The following FAM117B variants were observed in gnomAD, a reference collection of about 807,000 sequenced individuals.
FAM117B encodes the protein family with sequence similarity 117 member B.
FAM117B carries 22 observed loss-of-function variants against 52.8 expected under a neutral mutation model. The observed-to-expected ratio is 0.42, with a 90% CI of 0.30 to 0.59. The LOEUF is 0.59. Ranked by LOEUF, FAM117B falls within the 20% of genes least tolerant of loss-of-function variation. The probability of loss-of-function intolerance (pLI) is 0.22; values close to 1 mark genes in which losing one functional copy is unlikely to be tolerated. For synonymous variants in FAM117B, 309 were observed against 324.1 expected (o/e 0.95, Z 0.50); for missense variants, 678 against 802.6 (o/e 0.84, Z 1.88).
intron 2 of FAM117B, among the ~76,000 whole-genome samples, chr2:202,710,262 A>G (rs1430431201): frequency 6.6e-6 from 1 of 152,130 alleles, no homozygotes; most frequent in Admixed American, 6.5e-5. Flanking sequence ...ATGAACATGA[A>G]ATGCCTGTTT....
intron 4 of FAM117B, among the ~76,000 whole-genome samples, chr2:202,740,140 T>C (rs1323250981): frequency 2.6e-5 from 3 of 116,610 alleles, no homozygotes; most frequent in East Asian, 5.5e-4. Flanking sequence ...ATCACTGCAC[T>C]CCAGCCTGGA....
At chr2:202,664,130 C>T (rs1690168817) in intron 1 of FAM117B, among the ~76,000 whole-genome samples, 1 of 152,162 alleles carries the variant, frequency 6.6e-6, no homozygotes, top group South Asian at 2.1e-4. Context: ...TGTGCATTTT[C>T]ACAAATAATA....
rs1379837592 is a variant in FAM117B, at chr2:202,765,393, T to C, written c.1452-53T>C. ...TTGTTTCCAAGCTTTTTTTTTTTTT[T>C]ATTTTTTAAGTTCAGTGACTTAAAA... On this transcript the variant is annotated intron_variant, in intron 7 of 7. Coordinates refer to ENST00000392238, the MANE Select transcript of FAM117B (RefSeq NM_173511.4). 11 of 1,459,094 alleles carry C rather than the reference T, an allele frequency of 7.5e-6. No homozygotes were observed. The South Asian group carries it at 1.4e-4, about 18-fold the overall frequency. The allele number at this position is 1,459,094 out of a possible 1,614,324, so 90.4% of individuals were successfully genotyped here.
chr2:202,649,833 G>A (rs1040306581), intron 1 of FAM117B, among the ~76,000 whole-genome samples: 54 of 151,896 alleles, frequency 3.6e-4, no homozygotes, highest in African/African-American at 1.2e-3. Context: ...ATTTACAAGC[G>A]TGAACCACCG....
intron 1 of FAM117B, among the ~76,000 whole-genome samples, chr2:202,675,888 G>A (rs1690370953): frequency 6.6e-6 from 1 of 151,464 alleles, no homozygotes; most frequent in South Asian, 2.1e-4. Context: ...GGGAGGCGGA[G>A]GCAGGAGAAT....
chr2:202,684,850 T>A (rs1690515395), intron 1 of FAM117B, among the ~76,000 whole-genome samples: 2 of 152,218 alleles, frequency 1.3e-5, no homozygotes, highest in Non-Finnish European at 2.9e-5. Flanking sequence ...CTAGGAATAA[T>A]GGCTCAGTAT....
intron 2 of FAM117B, among the ~76,000 whole-genome samples, chr2:202,706,167 T>A (rs573843395): frequency 6.6e-6 from 1 of 152,224 alleles, no homozygotes; most frequent in African/African-American, 2.4e-5. Context: ...GGGACTACAG[T>A]CGCATGCCCC....
chr2:202,646,415 A>C (rs1433263481), intron 1 of FAM117B, among the ~76,000 whole-genome samples: 2 of 152,240 alleles, frequency 1.3e-5, no homozygotes, highest in Non-Finnish European at 2.9e-5. Flanking sequence ...AAGAAGACGC[A>C]GGGACTCCCA....
intron 3 of FAM117B, among the ~76,000 whole-genome samples, chr2:202,725,986 T>A (rs1180254683): frequency 6.6e-6 from 1 of 152,164 alleles, no homozygotes; most frequent in African/African-American, 2.4e-5. Flanking sequence ...TCGTGAAAAC[T>A]GTAATGTAAT....
rs567487527 is a variant in FAM117B at position 202,641,829 on chromosome 2, G to C, written c.601+6041G>C. 4.0e-5 allele frequency among the ~76,000 whole-genome samples: 6 copies of C among 151,820 alleles called. No individual in the cohort carries two copies. The South Asian group carries it at 1.0e-3, about 26-fold the overall frequency. ...AACTTTTGTATTTTTAGTAGAGACA[G>C]GGTTTCACTATGTTGGCCAGGCTGG... is the stretch of plus-strand genomic sequence containing the variant. On this transcript the variant is annotated intron_variant, in intron 1 of 7. Coordinates refer to ENST00000392238, the MANE Select transcript of FAM117B (RefSeq NM_173511.4).
intron 1 of FAM117B, among the ~76,000 whole-genome samples, chr2:202,675,493 A>G (rs1331371764): frequency 6.6e-6 from 1 of 150,674 alleles, no homozygotes; most frequent in African/African-American, 2.4e-5. Context: ...TCTCTCAGAA[A>G]ACCTCTGCTT....
intron 1 of FAM117B, among the ~76,000 whole-genome samples, chr2:202,654,653 C>G (rs918649492): frequency 7.9e-5 from 12 of 151,270 alleles, no homozygotes; most frequent in Non-Finnish European, 1.6e-4. Context: ...AGAACAGTTT[C>G]CCCTTTGTAA....
chr2:202,649,687 G>A (rs1689928021), intron 1 of FAM117B, among the ~76,000 whole-genome samples: 1 of 151,964 alleles, frequency 6.6e-6, no homozygotes, highest in African/African-American at 2.4e-5. Flanking sequence ...GAGTAGCTGG[G>A]ATCACAGGCA....
intron 1 of FAM117B, among the ~76,000 whole-genome samples, chr2:202,680,791 C>A (rs1388035198): frequency 6.6e-6 from 1 of 152,028 alleles, no homozygotes; most frequent in Non-Finnish European, 1.5e-5. Context: ...TTTATACATA[C>A]AAAACCTGAG....
intron 4 of FAM117B, among the ~76,000 whole-genome samples, chr2:202,743,742 TAAA>T (rs1321638109): frequency 1.3e-5 from 2 of 151,878 alleles, no homozygotes; most frequent in African/African-American, 2.4e-5. Flanking sequence ...AAGAATGAAA[TAAA>T]AATTCAGTTG....
chr2:202,759,426 G>C (rs1691849971), intron 7 of FAM117B, 73 bp downstream of exon 7: 2 of 1,559,450 alleles, frequency 1.3e-6, no homozygotes, highest in African/African-American at 1.4e-5. Context: ...ATCTCACTCT[G>C]TCATCTAGGC....
chr2:202,644,070 T>TTTTTTTTTTTTTTTTTC (rs1689818989), intron 1 of FAM117B, among the ~76,000 whole-genome samples: 1 of 145,904 alleles, frequency 6.9e-6, no homozygotes, highest in Non-Finnish European at 1.5e-5. Context: ...TTTTGTTTTT[T>TTTTTTTTTTTTTTTTTC]TTTTTTTTTT....
intron 4 of FAM117B, among the ~76,000 whole-genome samples, chr2:202,752,086 G>T (rs1160244083): frequency 6.6e-6 from 1 of 151,738 alleles, no homozygotes; most frequent in Non-Finnish European, 1.5e-5. Context: ...ATATGTGAAA[G>T]AAAATAAGTG....
Position 202,759,285 on chromosome 2 carries a change from C to T in FAM117B, c.1383C>T (p.Asn461=), listed in dbSNP as rs756157445. The change falls in exon 7 of 8, where the codon AAC becomes AAT. Residue 461 remains asparagine, a synonymous_variant. Coordinates refer to ENST00000392238, the MANE Select transcript of FAM117B (RefSeq NM_173511.4). ...LPKYATSPKP[N]NSYMFKREPP... ...AATATGCAACCTCACCAAAACCTAA[C>T]AACAGTTATATGTTCAAAAGGGAAC... The T allele has an allele frequency of 9.3e-6, 15 of 1,613,984 alleles. No homozygotes were observed. Among genetic ancestry groups the T allele is most frequent in the Middle Eastern group, 3.3e-4 (2 of 6,084 alleles).
Sources: gnomAD v4.1 joint callset for allele counts (sites outside exome capture counted in the v4.1 genomes callset) on GRCh38, gnomAD v4.1.1 for gene constraint, MANE v1.5 for transcripts, NCBI Gene and HGNC (gene_info 2026-07-23, HGNC 2026-07-21) for gene names.